ZFP90: variants seen among roughly 807,000 people sequenced by gnomAD.
ZFP90 encodes the protein zinc finger protein 90 homolog.
ZFP90 carries 38 observed loss-of-function variants against 60.8 expected under a neutral mutation model. That is an observed-to-expected ratio of 0.62 (90% CI 0.48 to 0.82). The LOEUF (loss-of-function observed/expected upper bound fraction) is 0.82, where lower values mean the gene tolerates loss of function less well. Among genes scored for constraint, ZFP90 ranks in the 40% least tolerant of loss-of-function variants. ZFP90 has a pLI of 0.00. For synonymous variants in ZFP90, 287 were observed against 264.8 expected (o/e 1.08, Z -0.82); for missense variants, 711 against 759.1 (o/e 0.94, Z 0.74).
chr16:68,568,878 T>C (rs1728794), downstream of ZFP90, among the ~76,000 whole-genome samples: 116,816 of 152,040 alleles, frequency 0.77, 44,962 homozygotes, highest in East Asian at 0.82. Flanking sequence ...GAGTTTTCGC[T>C]ATGTTGGCCA....
intron 2 of ZFP90, 143 bp from the exon 3 acceptor site, chr16:68,557,855 T>TAAGTTTATGTAACCCAAC (rs1238235940): frequency 5.3e-6 from 6 of 1,134,450 alleles, no homozygotes; most frequent in Non-Finnish European, 7.6e-6. Context: ...ATGTAAACAA[T>TAAGTTTATGTAACCCAAC]AAGTTTATGT....
chr16:68,536,027 C>T (rs1484689613), upstream of ZFP90, among the ~76,000 whole-genome samples: 1 of 152,200 alleles, frequency 6.6e-6, no homozygotes, highest in Non-Finnish European at 1.5e-5. Flanking sequence ...TAGCCTCTTA[C>T]TATTGTGAAC....
chr16:68,563,800 A>G lies in ZFP90; in HGVS notation c.1013A>G (p.Tyr338Cys). Residue 338 changes from tyrosine to cysteine, a missense_variant, in exon 5 of 5, where the codon TAT becomes TGT. By Grantham distance (194) the Tyr-to-Cys change is radical. Transcript: ENST00000563169. Reference sequence around the variant, plus strand: ...CGAATTCACACTGGAGAGAAACCCTATCGATGTAATCTATGTGGGAGGTCC... The same window carrying G: ...CGAATTCACACTGGAGAGAAACCCTGTCGATGTAATCTATGTGGGAGGTCC... Reference protein sequence around the residue: ...HQRIHTGEKPYRCNLCGRSFR... With the variant: ...HQRIHTGEKPCRCNLCGRSFR... The G allele has an allele frequency of 6.2e-7, 1 of 1,614,122 alleles. No homozygotes were observed. Among genetic ancestry groups the G allele is most frequent in the East Asian group, 2.2e-5 (1 of 44,878 alleles).
intron 2 of ZFP90, among the ~76,000 whole-genome samples, chr16:68,546,534 T>C (rs1034598982): frequency 6.6e-6 from 1 of 152,236 alleles, no homozygotes; most frequent in Non-Finnish European, 1.5e-5. Context: ...TGTTTTTTAT[T>C]AAGACGGATT....
chr16:68,570,890 A>G (rs2152078461), downstream of ZFP90, among the ~76,000 whole-genome samples: 1 of 152,250 alleles, frequency 6.6e-6, no homozygotes, highest in South Asian at 2.1e-4. Context: ...AGACATAGGA[A>G]TTCCCCCAGG....
rs1346653299 is a variant in ZFP90 at position 68,545,824 on chromosome 16, CTG to C, written c.33+6001_33+6002del. ...AGCGAGACTCCGTCTCAAAAAATAACTGTTTCAAAAATAAGATTCTTTTCCTT... is the reference window on the plus strand; with the variant it reads ...AGCGAGACTCCGTCTCAAAAAATAACTTTCAAAAATAAGATTCTTTTCCTT... On this transcript the variant is annotated intron_variant, in intron 2 of 4. Coordinates refer to ENST00000563169, the MANE Select transcript of ZFP90 (RefSeq NM_001305203.2). 2.0e-5 allele frequency among the ~76,000 whole-genome samples: 3 copies of C among 152,128 alleles called. No individual in the cohort carries two copies. The East Asian group carries it at 5.8e-4, about 29-fold the overall frequency.
Position 68,563,293 on chromosome 16 carries a change from A to G in ZFP90, c.506A>G (p.Asn169Ser), listed in dbSNP as rs756783273. 1.2e-6 allele frequency: 2 copies of G among 1,614,134 alleles called. No individual in the cohort carries two copies. The highest frequency in any genetic ancestry group is 1.7e-5 in the Admixed American group (1 of 60,012). Reference protein sequence around the residue: ...KFGENSRLNTNLVTQLNIPAR... With the variant: ...KFGENSRLNTSLVTQLNIPAR... ...GGTGAAAATTCTAGATTGAACACCAATTTGGTTACACAACTGAACATTCCT... is the reference window on the plus strand; with the variant it reads ...GGTGAAAATTCTAGATTGAACACCAGTTTGGTTACACAACTGAACATTCCT... Residue 169 changes from asparagine (N) to serine (S), a missense_variant, in exon 5 of 5, where the codon AAT becomes AGT. This residue lies in a region of ZFP90 where 241 missense variants were observed against 247.6 expected (regional missense o/e 0.97). Coordinates refer to ENST00000563169, the MANE Select transcript of ZFP90 (RefSeq NM_001305203.2).
In ZFP90 at chr16:68,563,753, C is replaced by T. The variant is rs1015007982; in HGVS notation, c.966C>T (p.Ser322=). ...TCTGTGGGAAAGCCTTCCAGCGCAG[C>T]TCCTCCCTTGTTCAACACCAGCGAA... ...CSLCGKAFQR[S]SSLVQHQRIH... is the part of the protein sequence containing the mutation. The change falls in exon 5 of 5, where the codon AGC becomes AGT. Residue 322 remains serine, a synonymous_variant. Transcript: ENST00000563169. 6.8e-6 allele frequency: 11 copies of T among 1,610,672 alleles called. No homozygotes were observed. The African/African-American group carries it at 1.2e-4, about 18-fold the overall frequency.
At chr16:68,567,616 G>A (rs1244191966), downstream of ZFP90, among the ~76,000 whole-genome samples, 1 of 152,146 alleles carries the variant, frequency 6.6e-6, no homozygotes, top group Non-Finnish European at 1.5e-5. Flanking sequence ...AAGTAGGAGA[G>A]GACAAGGTTG....
At chr16:68,535,492 G>A (rs943031421), upstream of ZFP90, 2 of 152,056 alleles carry the variant, frequency 1.3e-5, no homozygotes, top group African/African-American at 4.8e-5. Context: ...TGTGCCTACA[G>A]GACTATGAAA....
At chr16:68,550,078 A>G (rs2091232637) in intron 2 of ZFP90, among the ~76,000 whole-genome samples, 1 of 152,212 alleles carries the variant, frequency 6.6e-6, no homozygotes, top group South Asian at 2.1e-4. Context: ...TGTAATTTTA[A>G]GTTTTCTAGT....
rs1034215289 is a variant in ZFP90 at position 68,563,854 on chromosome 16, A to T, written c.1067A>T (p.His356Leu). The change falls in exon 5 of 5, where the codon CAC (histidine) becomes CTC (leucine). Residue 356 changes from histidine to leucine, a missense_variant. By Grantham distance (99) the His-to-Leu change is moderately conservative (BLOSUM62 -3). Around this residue, in one of 5 missense-constraint regions of ZFP90, gnomAD observed 146 missense variants for 201.4 expected, o/e 0.73. Coordinates refer to ENST00000563169, the MANE Select transcript of ZFP90 (RefSeq NM_001305203.2). ...SFRHGTSLTQHEVTHSGEKPF... is the reference protein window; with the variant it reads ...SFRHGTSLTQLEVTHSGEKPF... Reference sequence around the variant, plus strand: ...AGGCATGGCACATCCCTCACTCAACACGAGGTCACACACAGTGGAGAGAAG... The same window carrying T: ...AGGCATGGCACATCCCTCACTCAACTCGAGGTCACACACAGTGGAGAGAAG... 1 of 1,613,966 alleles carries T rather than the reference A, an allele frequency of 6.2e-7. No homozygotes were observed. Among genetic ancestry groups the T allele is most frequent in the Non-Finnish European group, 8.5e-7 (1 of 1,180,020 alleles).
chr16:68,536,518 G>A (rs1478359527), upstream of ZFP90, among the ~76,000 whole-genome samples: 2 of 152,058 alleles, frequency 1.3e-5, no homozygotes, highest in Non-Finnish European at 2.9e-5. Context: ...TGACCAGGAT[G>A]GTCTGGAACG....
At chr16:68,539,899 A>C (rs1048347821) in intron 2 of ZFP90, 74 bp downstream of exon 2, 1 of 1,547,290 alleles carries the variant, frequency 6.5e-7, no homozygotes, top group African/African-American at 1.4e-5. Flanking sequence ...TGTTTGGAGC[A>C]GTCATTGTTC....
chr16:68,549,548 G>A (rs991855920), intron 2 of ZFP90, among the ~76,000 whole-genome samples: 13 of 151,918 alleles, frequency 8.6e-5, no homozygotes, highest in Middle Eastern at 3.2e-3. Context: ...GCGTGGTGGC[G>A]GGTGCCTGTA....
At chr16:68,534,338 C>T (rs2090946499), upstream of ZFP90, among the ~76,000 whole-genome samples, 1 of 150,110 alleles carries the variant, frequency 6.7e-6, no homozygotes, top group South Asian at 2.1e-4. Flanking sequence ...AAGTGATTCT[C>T]CTGCCTCAGC....
At chr16:68,571,472 G>C (rs574861458), downstream of ZFP90, among the ~76,000 whole-genome samples, 1 of 152,226 alleles carries the variant, frequency 6.6e-6, no homozygotes, top group South Asian at 2.1e-4. Context: ...GTTAAAGTTG[G>C]CCTCCTTTTT....
Position 68,539,841 on chromosome 16 carries a change from C to G in ZFP90, c.33+16C>G, listed in dbSNP as rs1213950391. The G allele has an allele frequency of 1.9e-6, 3 of 1,606,008 alleles. No individual in the cohort carries two copies. In the Admixed American group the frequency reaches 5.1e-5, roughly 27 times the overall value. ...CGCGCCCCAGGTGAGCAACGCGTTCCTAACCTCCTGGGCATCCCATCCATC... is the reference window on the plus strand; with the variant it reads ...CGCGCCCCAGGTGAGCAACGCGTTCGTAACCTCCTGGGCATCCCATCCATC... On this transcript the variant is annotated intron_variant, in intron 2 of 4. Transcript: ENST00000563169.
chr16:68,554,595 C>T (rs199594756), intron 2 of ZFP90, among the ~76,000 whole-genome samples: 163 of 152,272 alleles, frequency 1.1e-3, no homozygotes, highest in Non-Finnish European at 2.0e-3. Context: ...TTGGAGCAGA[C>T]GTTTGCTTGC....
Sources: gnomAD v4.1 joint callset for allele counts (sites outside exome capture counted in the v4.1 genomes callset) on GRCh38, gnomAD v4.1.1 for gene constraint, gnomAD v4.1.1 regional missense constraint, MANE v1.5 for transcripts, NCBI Gene and HGNC (gene_info 2026-07-23, HGNC 2026-07-21) for gene names.